MECOM: variants seen among roughly 807,000 people sequenced by gnomAD.
MECOM encodes MDS1 and EVI1 complex locus.
MECOM carries 13 observed loss-of-function variants against 116.3 expected under a neutral mutation model. The ratio of observed to expected loss-of-function variants is 0.11; its 90% confidence interval spans 0.07 to 0.18. The LOEUF (loss-of-function observed/expected upper bound fraction) is 0.18, where lower values mean the gene tolerates loss of function less well. MECOM is among the 10% of genes least tolerant of loss of function. The pLI is 1.00. For synonymous variants in MECOM, 528 were observed against 535.2 expected, an observed-to-expected ratio of 0.99 and a Z score of 0.19; for missense variants, 1,299 against 1,509.0, an observed-to-expected ratio of 0.86 and a Z score of 2.31.
intron 1 of MECOM, among the ~76,000 whole-genome samples, chr3:169,394,619 G>A (rs147932204): frequency 2.6e-5 from 4 of 152,230 alleles, no homozygotes; most frequent in African/African-American, 9.6e-5. Flanking sequence ...GGATTAGAGT[G>A]ATTTCCACTT....
Position 169,575,769 on chromosome 3 carries a change from G to A in MECOM, c.37+87567C>T, listed in dbSNP as rs190766283. On this transcript the variant is annotated intron_variant, in intron 1 of 16. Transcript: ENST00000651503. ...CTGACAAAGATATCAGTTAAGGGGG[G>A]AAACAGTCCCTGAAAAGACAGTATC... is the stretch of plus-strand genomic sequence containing the variant. Among the ~76,000 whole-genome samples the A allele has an allele frequency of 1.4e-4, 21 of 152,092 alleles. No individual in the cohort carries two copies. In the East Asian group the frequency reaches 4.1e-3, roughly 29 times the overall value.
chr3:169,609,404 G>A (rs758184244), intron 1 of MECOM, among the ~76,000 whole-genome samples: 2 of 152,042 alleles, frequency 1.3e-5, no homozygotes, highest in African/African-American at 4.8e-5. Context: ...ACTGGGTGAT[G>A]TATTACAAAC....
intron 1 of MECOM, among the ~76,000 whole-genome samples, chr3:169,453,360 C>T (rs781381985): frequency 5.3e-5 from 8 of 152,140 alleles, no homozygotes; most frequent in Non-Finnish European, 7.4e-5. Context: ...GTTTTTGAAT[C>T]GCTGGATGGA....
chr3:169,436,840 A>G (rs1396719627), intron 1 of MECOM, among the ~76,000 whole-genome samples: 1 of 152,152 alleles, frequency 6.6e-6, no homozygotes, highest in South Asian at 2.1e-4. Context: ...ATTCTCAATA[A>G]GTTTTTATGT....
intron 2 of MECOM, among the ~76,000 whole-genome samples, chr3:169,164,249 G>C (rs1462563836): frequency 6.6e-6 from 1 of 151,972 alleles, no homozygotes; most frequent in African/African-American, 2.4e-5. Flanking sequence ...TGAGTTTCAC[G>C]AGATCTGATA....
chr3:169,413,898 T>G (rs186420330), intron 1 of MECOM, among the ~76,000 whole-genome samples: 1 of 152,166 alleles, frequency 6.6e-6, no homozygotes, highest in Non-Finnish European at 1.5e-5. Flanking sequence ...CAGGAGCTTA[T>G]AGGTAAAACT....
chr3:169,291,981 A>C (rs990651510), intron 2 of MECOM, among the ~76,000 whole-genome samples: 2 of 152,198 alleles, frequency 1.3e-5, no homozygotes, highest in African/African-American at 4.8e-5. Context: ...ATTGTCTACC[A>C]TTTGTGTATG....
intron 2 of MECOM, among the ~76,000 whole-genome samples, chr3:169,243,136 T>C (rs1755099758): frequency 6.6e-6 from 1 of 152,228 alleles, no homozygotes; most frequent in Non-Finnish European, 1.5e-5. Flanking sequence ...GTTCAGTTAT[T>C]TGGATTACTA....
chr3:169,433,835 T>C (rs1004947723), intron 1 of MECOM, among the ~76,000 whole-genome samples: 2 of 152,144 alleles, frequency 1.3e-5, no homozygotes, highest in Non-Finnish European at 2.9e-5. Flanking sequence ...GACTGTAGGG[T>C]GAGACCTTTC....
chr3:169,488,331 A>G (rs1368010404), intron 1 of MECOM, among the ~76,000 whole-genome samples: 1 of 148,732 alleles, frequency 6.7e-6, no homozygotes, highest in Non-Finnish European at 1.5e-5. Context: ...GTTCAAGACC[A>G]TCCTGGCCAA....
chr3:169,211,370 T>A (rs1750710281), intron 2 of MECOM, among the ~76,000 whole-genome samples: 1 of 152,110 alleles, frequency 6.6e-6, no homozygotes, highest in African/African-American at 2.4e-5. Flanking sequence ...TGCTACATAT[T>A]CACCATCTCA....
At chr3:169,167,771 T>TCACA (rs774170480) in intron 2 of MECOM, among the ~76,000 whole-genome samples, 1 of 151,018 alleles carries the variant, frequency 6.6e-6, no homozygotes, top group African/African-American at 2.4e-5. Flanking sequence ...ACACAGACAC[T>TCACA]CACACACACA....
chr3:169,230,984 C>T (rs527644078), intron 2 of MECOM, among the ~76,000 whole-genome samples: 41 of 152,058 alleles, frequency 2.7e-4, no homozygotes, highest in Middle Eastern at 6.8e-3. Flanking sequence ...CATTCATAGA[C>T]GTTTGTTTAA....
At chr3:169,188,530 T>C (rs547176335) in intron 2 of MECOM, among the ~76,000 whole-genome samples, 1 of 152,006 alleles carries the variant, frequency 6.6e-6, no homozygotes, top group Non-Finnish European at 1.5e-5. Flanking sequence ...TATGGAAAAA[T>C]AACTATGATG....
intron 2 of MECOM, among the ~76,000 whole-genome samples, chr3:169,264,348 C>T (rs1465552749): frequency 6.6e-6 from 1 of 152,328 alleles, no homozygotes; most frequent in East Asian, 1.9e-4. Context: ...ATTGAATATA[C>T]TGTTTTCTCC....
Position 169,352,177 on chromosome 3 carries a change from G to A in MECOM, c.375+29010C>T, listed in dbSNP as rs141790913. Among the ~76,000 whole-genome samples, 302 of 151,846 alleles carry A rather than the reference G, an allele frequency of 2.0e-3. 2 individuals are homozygous for A. Among genetic ancestry groups the A allele is most frequent in the African/African-American group, 6.6e-3 (272 of 41,470 alleles). On this transcript the variant is annotated intron_variant, in intron 2 of 16. Coordinates refer to ENST00000651503, the MANE Select transcript of MECOM (RefSeq NM_004991.4). ...CTTTTACATTTCATTTTACATAGCC[G>A]TAGTTACTAATATTTAAAACAAGTA...
chr3:169,174,355 C>T (rs1338553563), intron 2 of MECOM, among the ~76,000 whole-genome samples: 4 of 152,150 alleles, frequency 2.6e-5, no homozygotes, highest in Admixed American at 6.5e-5. Flanking sequence ...TTCCTTCTGG[C>T]ACTGATACAT....
At chr3:169,234,492 GAAAA>G (rs1159763520) in intron 2 of MECOM, among the ~76,000 whole-genome samples, 1 of 150,802 alleles carries the variant, frequency 6.6e-6, no homozygotes, top group Non-Finnish European at 1.5e-5. Context: ...GGAAATAAAA[GAAAA>G]AAGAAAGAAG....
intron 1 of MECOM, among the ~76,000 whole-genome samples, chr3:169,444,542 C>T (rs2342059): frequency 0.043 from 6,539 of 152,204 alleles, 364 homozygotes; most frequent in African/African-American, 0.13. Flanking sequence ...TTTCACCCCC[C>T]GCCATGATTC....
Sources: gnomAD v4.1 joint callset for allele counts (sites outside exome capture counted in the v4.1 genomes callset) on GRCh38, gnomAD v4.1.1 for gene constraint, MANE v1.5 for transcripts, NCBI Gene and HGNC (gene_info 2026-07-23, HGNC 2026-07-21) for gene names.